The following RARB variants were observed in gnomAD, a reference collection of about 807,000 sequenced individuals.
RARB encodes retinoic acid receptor beta, also known as HBV-activated protein.
In RARB, 17 loss-of-function variants were observed where a neutral mutation model predicts 51.9. The ratio of observed to expected loss-of-function variants is 0.33; its 90% CI spans 0.22 to 0.49. The LOEUF (loss-of-function observed/expected upper bound fraction) is 0.49, where lower values mean the gene tolerates loss of function less well. Ranked by LOEUF, RARB falls within the 20% of genes least tolerant of loss-of-function variation. RARB has a pLI of 0.99. For missense variants in RARB, 369 were observed against 550.8 expected, an observed-to-expected ratio of 0.67 and a Z score of 3.30; for synonymous variants, 215 against 195.4, an observed-to-expected ratio of 1.10 and a Z score of -0.84.
intron 5 of RARB, among the ~76,000 whole-genome samples, chr3:25,589,380 G>A (rs113194665): frequency 0.013 from 2,013 of 152,354 alleles, 42 homozygotes; most frequent in African/African-American, 0.046. Context: ...GCCACAGAAA[G>A]AAGTTTGGAT....
rs536197211 is a variant in RARB, at chr3:25,222,281, T to G, written c.178+47706T>G. On this transcript the variant is annotated intron_variant, in intron 5 of 11. Transcript: ENST00000383772. ...TTCTTACTATTTAAAGTTGAGCTATTTTTAAGCTATCAAAACCAGTGACCA... is the reference window on the plus strand; with the variant it reads ...TTCTTACTATTTAAAGTTGAGCTATGTTTAAGCTATCAAAACCAGTGACCA... Among the ~76,000 whole-genome samples, 56 of 152,286 alleles carry G rather than the reference T, an allele frequency of 3.7e-4. 1 individual carries two copies. In the South Asian group the frequency reaches 0.012, roughly 32 times the overall value.
At position 25,429,825 on chromosome 3, in the gene RARB, G is replaced by A. The variant is rs567329013; in HGVS notation, c.157+937G>A. Among the ~76,000 whole-genome samples the A allele has an allele frequency of 1.2e-4, 18 of 152,320 alleles. No homozygotes were observed. In the South Asian group the frequency reaches 3.7e-3, roughly 32 times the overall value. ...GTGGGAGCCTGCAGGATGCTTCGCC[G>A]CCCTGACAGTGATTTAGATAAATGG... On this transcript the variant is annotated intron_variant, in intron 1 of 7. Coordinates refer to ENST00000330688, the MANE Select transcript of RARB (RefSeq NM_000965.5).
intron 2 of RARB, among the ~76,000 whole-genome samples, chr3:24,954,187 A>G (rs962594348): frequency 6.6e-6 from 1 of 152,196 alleles, no homozygotes; most frequent in African/African-American, 2.4e-5. Flanking sequence ...AGGCCACTCA[A>G]TTCTTGAAAC....
chr3:25,233,978 G>C (rs1000041141), intron 5 of RARB, among the ~76,000 whole-genome samples: 3 of 152,024 alleles, frequency 2.0e-5, no homozygotes, highest in African/African-American at 7.2e-5. Flanking sequence ...CTAATATTTT[G>C]TTGGAGATTT....
intron 3 of RARB, among the ~76,000 whole-genome samples, chr3:25,561,157 T>A (rs7610827): frequency 0.37 from 56,304 of 151,976 alleles, 10,954 homozygotes; most frequent in African/African-American, 0.51. Flanking sequence ...CATTTGTCCA[T>A]TGTTTCTTTC....
intron 2 of RARB, among the ~76,000 whole-genome samples, chr3:24,862,012 G>A (rs149931361): frequency 2.0e-4 from 30 of 152,288 alleles, no homozygotes; most frequent in African/African-American, 5.3e-4. Context: ...CTACACTTCC[G>A]AAGTTGCTGC....
chr3:24,884,218 G>A (rs1051615546), intron 2 of RARB, among the ~76,000 whole-genome samples: 1 of 152,186 alleles, frequency 6.6e-6, no homozygotes, highest in Non-Finnish European at 1.5e-5. Flanking sequence ...CCAGTGTCCT[G>A]TGAATACCAC....
At chr3:25,026,697 C>T (rs1697757645) in intron 2 of RARB, among the ~76,000 whole-genome samples, 1 of 152,266 alleles carries the variant, frequency 6.6e-6, no homozygotes, top group Non-Finnish European at 1.5e-5. Flanking sequence ...CATGACAATC[C>T]ATGTCCTGGT....
chr3:25,578,597 C>T (rs530030991), intron 4 of RARB, among the ~76,000 whole-genome samples: 6 of 152,342 alleles, frequency 3.9e-5, no homozygotes, highest in East Asian at 1.9e-4. Flanking sequence ...AATTTAATTA[C>T]GGCCCAAATG....
chr3:25,413,542 G>A (rs1707622865), intron 5 of RARB, among the ~76,000 whole-genome samples: 1 of 152,208 alleles, frequency 6.6e-6, no homozygotes, highest in Admixed American at 6.5e-5. Context: ...TTAGGTTTCA[G>A]TAGATACTGA....
intron 5 of RARB, among the ~76,000 whole-genome samples, chr3:25,292,006 G>T (rs73049720): frequency 0.029 from 4,439 of 151,410 alleles, 101 homozygotes; most frequent in Non-Finnish European, 0.043. Flanking sequence ...ATACAACGTT[G>T]TTTCTAACAT....
intron 3 of RARB, among the ~76,000 whole-genome samples, chr3:25,076,233 C>T (rs1419115120): frequency 2.6e-5 from 4 of 151,850 alleles, no homozygotes; most frequent in Non-Finnish European, 5.9e-5. Context: ...CTCCGCCTCC[C>T]GGGTTCACGC....
intron 3 of RARB, among the ~76,000 whole-genome samples, chr3:25,074,788 T>C (rs1412801805): frequency 6.6e-6 from 1 of 152,208 alleles, no homozygotes; most frequent in East Asian, 1.9e-4. Context: ...TTTTGTAACC[T>C]GGCATATGTT....
chr3:25,551,283 T>C (rs1699843289), intron 3 of RARB, among the ~76,000 whole-genome samples: 1 of 152,218 alleles, frequency 6.6e-6, no homozygotes, highest in East Asian at 1.9e-4. Context: ...CTAACAGTAC[T>C]GTTTTTACTT....
chr3:25,413,806 C>T (rs1707630836), intron 5 of RARB, among the ~76,000 whole-genome samples: 1 of 152,192 alleles, frequency 6.6e-6, no homozygotes, highest in Non-Finnish European at 1.5e-5. Flanking sequence ...AACACACTGG[C>T]ATGGTCTGCA....
chr3:24,950,861 C>T (rs553166687), intron 2 of RARB, among the ~76,000 whole-genome samples: 12 of 152,268 alleles, frequency 7.9e-5, no homozygotes, highest in South Asian at 4.1e-4. Flanking sequence ...GCACCATCAA[C>T]GTGCCTGGCA....
chr3:25,484,125 G>A (rs1329830397), intron 2 of RARB, among the ~76,000 whole-genome samples: 2 of 152,240 alleles, frequency 1.3e-5, no homozygotes, highest in Non-Finnish European at 2.9e-5. Context: ...CAAGTAGGCT[G>A]TAGGGATTTC....
Position 25,596,329 on chromosome 3 carries a change from C to T in RARB, c.1151-91C>T, listed in dbSNP as rs567328673. The T allele has an allele frequency of 4.8e-6, 5 of 1,037,118 alleles. No homozygotes were observed. The South Asian group carries it at 9.2e-5, about 19-fold the overall frequency. 64.2% of individuals were successfully genotyped at this position (1,037,118 alleles called of 1,614,324 possible). On this transcript the variant is annotated intron_variant, in intron 7 of 7. Coordinates refer to ENST00000330688, the MANE Select transcript of RARB (RefSeq NM_000965.5). ...CCTAAGCAAGAATCTTAGGAAACAC[C>T]TCTGTTAAAATATATGAAAATTGGT...
intron 5 of RARB, among the ~76,000 whole-genome samples, chr3:25,232,928 A>G (rs1203397454): frequency 6.6e-6 from 1 of 150,452 alleles, no homozygotes; most frequent in Non-Finnish European, 1.5e-5. Context: ...AGACTAAGCT[A>G]TGACGCTGGG....
Sources: allele counts gnomAD v4.1 joint callset (sites outside exome capture counted in the v4.1 genomes callset), GRCh38; gene constraint gnomAD v4.1.1; transcripts MANE v1.5; gene names NCBI Gene and HGNC (gene_info 2026-07-23, HGNC 2026-07-21).